The following MTUS2 variants were observed in gnomAD, a reference collection of about 807,000 sequenced individuals.
MTUS2 encodes microtubule associated scaffold protein 2, also known as microtubule-associated tumor suppressor candidate 2.
In MTUS2, 40 loss-of-function variants were observed where a neutral mutation model predicts 114.1. The ratio of observed to expected loss-of-function variants is 0.35; its 90% CI spans 0.27 to 0.46. MTUS2 has a LOEUF of 0.46. Ranked by LOEUF, MTUS2 falls within the 20% of genes least tolerant of loss-of-function variation. The pLI is 1.00. For synonymous variants in MTUS2, 688 were observed against 672.0 expected (o/e 1.02, Z -0.37); for missense variants, 1,679 against 1,705.4 (o/e 0.98, Z 0.27).
chr13:29,254,805 T>C (rs1897242058), intron 5 of MTUS2, among the ~76,000 whole-genome samples: 1 of 152,210 alleles, frequency 6.6e-6, no homozygotes, highest in East Asian at 1.9e-4. Flanking sequence ...ACCTCACCTC[T>C]TCCTGCAGTT....
intron 4 of MTUS2, among the ~76,000 whole-genome samples, chr13:29,075,078 A>G (rs749566912): frequency 2.0e-5 from 3 of 152,322 alleles, no homozygotes; most frequent in Non-Finnish European, 4.4e-5. Flanking sequence ...CCTATTCTAG[A>G]CATCTTATAT....
chr13:28,975,868 G>A (rs951059785), intron 2 of MTUS2, among the ~76,000 whole-genome samples: 2 of 152,114 alleles, frequency 1.3e-5, no homozygotes, highest in Non-Finnish European at 2.9e-5. Flanking sequence ...TTATAAAGAT[G>A]AGCAATGCAG....
intron 2 of MTUS2, among the ~76,000 whole-genome samples, chr13:28,907,631 C>G (rs1489453476): frequency 6.6e-6 from 1 of 151,226 alleles, no homozygotes; most frequent in Non-Finnish European, 1.5e-5. Flanking sequence ...GACTTTAAAC[C>G]AACAAAGATC....
chr13:28,919,359 G>GT (rs945897772), intron 2 of MTUS2, among the ~76,000 whole-genome samples: 2 of 151,900 alleles, frequency 1.3e-5, no homozygotes, highest in African/African-American at 2.4e-5. Context: ...TAGGGTAAAA[G>GT]TTTTTTTTCC....
intron 9 of MTUS2, among the ~76,000 whole-genome samples, chr13:29,455,555 A>G (rs1297819328): frequency 6.6e-6 from 1 of 152,214 alleles, no homozygotes; most frequent in Non-Finnish European, 1.5e-5. Flanking sequence ...CAACACACTC[A>G]ATGCCCATTA....
intron 2 of MTUS2, among the ~76,000 whole-genome samples, chr13:28,967,388 C>T (rs144684641): frequency 8.3e-4 from 126 of 152,246 alleles, no homozygotes; most frequent in African/African-American, 2.8e-3. Flanking sequence ...TAATTTACTG[C>T]ATATTGGACT....
At chr13:28,921,814 G>A (rs879854573) in intron 2 of MTUS2, among the ~76,000 whole-genome samples, 3 of 152,178 alleles carry the variant, frequency 2.0e-5, no homozygotes, top group Non-Finnish European at 4.4e-5. Context: ...TAACAGGACA[G>A]CACTGAGATC....
rs771393913 is a variant in MTUS2, at chr13:29,503,161, C to T, written c.4065C>T (p.Ser1355=). The part of the protein sequence containing the change: ...SPTSPVYRGS[S]SGPSSPARVS... The stretch of plus-strand genomic sequence containing the variant: ...CATCTCCCGTTTACCGCGGCTCCTC[C>T]TCGGGGCCCTCCTCTCCGGCCAGAG... The change falls in exon 16 of 16, where the codon TCC becomes TCT. Residue 1355 remains serine (S), a synonymous_variant. Coordinates refer to ENST00000612955, the MANE Select transcript of MTUS2 (RefSeq NM_001033602.4). 5.0e-6 allele frequency: 8 copies of T among 1,614,200 alleles called. No homozygotes were observed. The Admixed American group carries it at 8.3e-5, about 17-fold the overall frequency.
chr13:29,389,232 T>A (rs1872849937), intron 8 of MTUS2, among the ~76,000 whole-genome samples: 1 of 148,830 alleles, frequency 6.7e-6, no homozygotes, highest in African/African-American at 2.5e-5. Flanking sequence ...TATGTATATA[T>A]GTATGTGTGT....
At chr13:29,071,454 C>G (rs1888933159) in intron 4 of MTUS2, among the ~76,000 whole-genome samples, 1 of 73,902 alleles carries the variant, frequency 1.4e-5, no homozygotes, top group Non-Finnish European at 2.3e-5. Flanking sequence ...GAGACAGAGT[C>G]TCCCTCTGTT....
At chr13:28,895,741 G>C (rs1168148967) in intron 2 of MTUS2, among the ~76,000 whole-genome samples, 2 of 152,182 alleles carry the variant, frequency 1.3e-5, no homozygotes, top group African/African-American at 4.8e-5. Context: ...GCCCTCCACT[G>C]TTGGATATGG....
chr13:28,858,604 C>A (rs1337288008), intron 2 of MTUS2, among the ~76,000 whole-genome samples: 2 of 152,146 alleles, frequency 1.3e-5, no homozygotes, highest in Non-Finnish European at 2.9e-5. Flanking sequence ...CTATCCCCCA[C>A]CCTCAAACTT....
intron 9 of MTUS2, among the ~76,000 whole-genome samples, chr13:29,451,587 A>AT (rs551756160): frequency 0.035 from 5,004 of 144,818 alleles, 117 homozygotes; most frequent in Non-Finnish European, 0.045. Flanking sequence ...GTACTGTCCA[A>AT]TTTTTTTTTT....
At chr13:29,027,438 G>C (rs1886608219) in intron 3 of MTUS2, among the ~76,000 whole-genome samples, 1 of 152,202 alleles carries the variant, frequency 6.6e-6, no homozygotes, top group African/African-American at 2.4e-5. Context: ...TTGAGGGCCA[G>C]CTCTACACTG....
intron 5 of MTUS2, among the ~76,000 whole-genome samples, chr13:29,189,411 A>G (rs1171303543): frequency 4.6e-5 from 7 of 152,168 alleles, no homozygotes; most frequent in African/African-American, 1.7e-4. Flanking sequence ...CATTCTTACA[A>G]CAGCTCTTCG....
intron 8 of MTUS2, among the ~76,000 whole-genome samples, chr13:29,382,880 T>C (rs1315564817): frequency 1.3e-5 from 2 of 151,776 alleles, no homozygotes; most frequent in East Asian, 3.9e-4. Context: ...TGGAGAGGCT[T>C]CCTGAAAAAA....
intron 5 of MTUS2, among the ~76,000 whole-genome samples, chr13:29,203,719 C>A (rs1226186049): frequency 6.6e-6 from 1 of 152,094 alleles, no homozygotes; most frequent in Non-Finnish European, 1.5e-5. Context: ...AGTATCTGGG[C>A]TGGAATGCAC....
chr13:28,977,207 A>G (rs1884152997), intron 2 of MTUS2, among the ~76,000 whole-genome samples: 1 of 152,150 alleles, frequency 6.6e-6, no homozygotes, highest in Non-Finnish European at 1.5e-5. Flanking sequence ...TTCACAGTGA[A>G]TTTAAGTATG....
intron 5 of MTUS2, among the ~76,000 whole-genome samples, chr13:29,273,249 C>T (rs1030225899): frequency 6.6e-6 from 1 of 152,158 alleles, no homozygotes; most frequent in African/African-American, 2.4e-5. Context: ...TATCACCCTC[C>T]TTACATAGGA....
Sources: gnomAD v4.1 joint callset for allele counts (sites outside exome capture counted in the v4.1 genomes callset) on GRCh38, gnomAD v4.1.1 for gene constraint, MANE v1.5 for transcripts, NCBI Gene and HGNC (gene_info 2026-07-23, HGNC 2026-07-21) for gene names.